CALCR: variants seen among roughly 807,000 people sequenced by gnomAD.
CALCR encodes the protein calcitonin receptor.
A neutral mutation model predicts 59.5 loss-of-function variants in CALCR; 47 were observed. The observed-to-expected ratio is 0.79, with a 90% confidence interval of 0.63 to 1.01. The LOEUF (loss-of-function observed/expected upper bound fraction) is 1.01, where lower values mean the gene tolerates loss of function less well. CALCR is among the 50% of genes least tolerant of loss of function. The pLI, the probability that CALCR is intolerant of heterozygous loss-of-function variation, is 0.00. For synonymous variants in CALCR, 213 were observed against 211.3 expected (o/e 1.01, Z -0.07); for missense variants, 566 against 597.1 (o/e 0.95, Z 0.54).
rs192710335 is a variant in CALCR, at chr7:93,520,932, C to T, written c.-26-33925G>A. 5.3e-5 allele frequency among the ~76,000 whole-genome samples: 8 copies of T among 152,126 alleles called. No individual in the cohort carries two copies. In the East Asian group the frequency reaches 1.5e-3, roughly 29 times the overall value. On this transcript the variant is annotated intron_variant, in intron 2 of 13. Coordinates refer to ENST00000426151, the MANE Select transcript of CALCR (RefSeq NM_001742.4). The stretch of plus-strand genomic sequence containing the variant: ...GGAGACCATTAGCAACAAATACATG[C>T]AATTCGAGAAAGGTCACCATGACTT...
chr7:93,495,781 G>GC, intron 2 of CALCR: 1 of 845,018 alleles, frequency 1.2e-6, no homozygotes, highest in East Asian at 2.7e-5. Context: ...TCAATGTGGA[G>GC]CCTAAAAATC....
chr7:93,539,999 C>G (rs1789089625), intron 2 of CALCR, among the ~76,000 whole-genome samples: 1 of 152,174 alleles, frequency 6.6e-6, no homozygotes, highest in African/African-American at 2.4e-5. Context: ...TCCCACTAGG[C>G]TTTTAATGCC....
chr7:93,570,774 G>A (rs1042878519), intron 2 of CALCR, among the ~76,000 whole-genome samples: 2 of 152,104 alleles, frequency 1.3e-5, no homozygotes, highest in South Asian at 4.2e-4. Context: ...TTGCCAACTT[G>A]TATTAGGGAC....
chr7:93,552,513 G>C (rs755300974), intron 2 of CALCR, among the ~76,000 whole-genome samples: 3 of 152,074 alleles, frequency 2.0e-5, no homozygotes, highest in African/African-American at 4.8e-5. Context: ...ACTGATCTTT[G>C]TGAACCCATT....
intron 2 of CALCR, among the ~76,000 whole-genome samples, chr7:93,526,079 T>A (rs1253887265): frequency 6.6e-6 from 1 of 152,176 alleles, no homozygotes; most frequent in African/African-American, 2.4e-5. Flanking sequence ...ATAAACTGTT[T>A]TGATAGGAAG....
intron 2 of CALCR, among the ~76,000 whole-genome samples, chr7:93,557,958 T>C (rs1312755205): frequency 6.6e-6 from 1 of 151,996 alleles, no homozygotes; most frequent in Non-Finnish European, 1.5e-5. Flanking sequence ...TTTTAATCTT[T>C]TAGTTATATT....
intron 8 of CALCR, among the ~76,000 whole-genome samples, chr7:93,460,321 C>T (rs183808103): frequency 2.0e-5 from 3 of 151,540 alleles, no homozygotes; most frequent in East Asian, 1.9e-4. Context: ...TTTGGGAGGC[C>T]GAGGCAGGCA....
At chr7:93,544,579 G>GT (rs1055340798) in intron 2 of CALCR, among the ~76,000 whole-genome samples, 1 of 151,692 alleles carries the variant, frequency 6.6e-6, no homozygotes, top group Non-Finnish European at 1.5e-5. Flanking sequence ...GTTTATGAAG[G>GT]TTTTTTTTCA....
chr7:93,472,350 T>A (rs1800569945), intron 6 of CALCR, 25 bp downstream of exon 6: 1 of 1,283,886 alleles, frequency 7.8e-7, no homozygotes, highest in East Asian at 2.3e-5. Context: ...TCTCACTCAA[T>A]ACTGAAACGT....
chr7:93,535,554 C>A (rs1401932167), intron 2 of CALCR, among the ~76,000 whole-genome samples: 1 of 151,786 alleles, frequency 6.6e-6, no homozygotes, highest in Admixed American at 6.6e-5. Flanking sequence ...GACACTATTA[C>A]TTCTATGAAT....
At chr7:93,565,520 T>C (rs1468153319) in intron 2 of CALCR, among the ~76,000 whole-genome samples, 2 of 152,238 alleles carry the variant, frequency 1.3e-5, no homozygotes, top group Admixed American at 1.3e-4. Flanking sequence ...TATATTTTCC[T>C]CATGGGATGC....
chr7:93,428,255 C>T (rs910555067), intron 13 of CALCR, among the ~76,000 whole-genome samples: 7 of 152,206 alleles, frequency 4.6e-5, no homozygotes, highest in African/African-American at 1.4e-4. Flanking sequence ...ATCCTCACAA[C>T]AGCCCTATGG....
At chr7:93,507,221 T>G (rs1386978428) in intron 2 of CALCR, among the ~76,000 whole-genome samples, 1 of 141,220 alleles carries the variant, frequency 7.1e-6, no homozygotes, top group Non-Finnish European at 1.5e-5. Flanking sequence ...CCCAGAATAC[T>G]TCCTTGTTGA....
At chr7:93,456,638 T>G (rs951327847) in intron 8 of CALCR, among the ~76,000 whole-genome samples, 2 of 152,154 alleles carry the variant, frequency 1.3e-5, no homozygotes, top group East Asian at 3.9e-4. Context: ...AATAAGTACT[T>G]GATTGATGGG....
At chr7:93,449,347 C>A (rs751511538) in intron 8 of CALCR, among the ~76,000 whole-genome samples, 1 of 151,986 alleles carries the variant, frequency 6.6e-6, no homozygotes, top group Non-Finnish European at 1.5e-5. Context: ...TTAAGAGAGA[C>A]TGAATGATAA....
At chr7:93,465,503 T>G (rs575057127) in intron 7 of CALCR, among the ~76,000 whole-genome samples, 1 of 152,090 alleles carries the variant, frequency 6.6e-6, no homozygotes, top group South Asian at 2.1e-4. Context: ...CTAATAATGC[T>G]GTCTTCTATC....
rs1273059926 is a variant in CALCR at position 93,426,336 on chromosome 7, ATGCTGTGTT to A, written c.*11_*19del. The A allele has an allele frequency of 7.4e-7, 1 of 1,346,812 alleles. No individual in the cohort carries two copies. The highest frequency in any genetic ancestry group is 1.2e-5 in the South Asian group (1 of 85,334). 83.4% of individuals were successfully genotyped at this position (1,346,812 alleles called of 1,614,324 possible). A position where few individuals can be genotyped will look rare whatever the true frequency, so the allele number is the denominator to read the frequency against. On this transcript the variant is annotated 3_prime_UTR_variant, in exon 14 of 14. Transcript: ENST00000426151. Reference sequence around the variant, plus strand: ...AGGAAATGATGGCTCAGTGATCACGATGCTGTGTTTGCTTCACATTCAAGCAGATGACTC... The same window carrying A: ...AGGAAATGATGGCTCAGTGATCACGATGCTTCACATTCAAGCAGATGACTC...
At position 93,447,689 on chromosome 7, in the gene CALCR, A is replaced by AC. The variant is rs1351278495; in HGVS notation, c.649-3933dup. Among the ~76,000 whole-genome samples the AC allele has an allele frequency of 3.9e-5, 6 of 152,120 alleles. No homozygotes were observed. The East Asian group carries it at 1.2e-3, about 30-fold the overall frequency. On this transcript the variant is annotated intron_variant, in intron 8 of 13. Coordinates refer to ENST00000426151, the MANE Select transcript of CALCR (RefSeq NM_001742.4). ...AACTATTCTTGGCATCATTTGCACTACAGGCCTATTACCATGTATAACAGG... is the reference window on the plus strand; with the variant it reads ...AACTATTCTTGGCATCATTTGCACTACCAGGCCTATTACCATGTATAACAGG...
At chr7:93,476,966 C>G (rs1273563663) in intron 5 of CALCR, among the ~76,000 whole-genome samples, 3 of 151,948 alleles carry the variant, frequency 2.0e-5, no homozygotes, top group Admixed American at 1.3e-4. Flanking sequence ...CTTCCATTAT[C>G]TCTGCCTTAC....
Sources: gnomAD v4.1 joint callset for allele counts (sites outside exome capture counted in the v4.1 genomes callset) on GRCh38, gnomAD v4.1.1 for gene constraint, MANE v1.5 for transcripts, NCBI Gene and HGNC (gene_info 2026-07-23, HGNC 2026-07-21) for gene names.